PI4KB: variants seen among roughly 807,000 people sequenced by gnomAD.
PI4KB encodes the protein phosphatidylinositol 4-kinase beta.
PI4KB carries 23 observed loss-of-function variants against 81.4 expected under a neutral mutation model. The ratio of observed to expected loss-of-function variants is 0.28; its 90% CI spans 0.20 to 0.40. PI4KB has a LOEUF of 0.40. Ranked by LOEUF, PI4KB falls within the 10% of genes least tolerant of loss-of-function variation. The pLI, the probability that PI4KB is intolerant of heterozygous loss-of-function variation, is 1.00. For missense variants in PI4KB, 651 were observed against 1,036.6 expected (o/e 0.63, Z 5.11); for synonymous variants, 381 against 406.8 (o/e 0.94, Z 0.76).
At chr1:151,310,068 T>C (rs763068442) in intron 3 of PI4KB, 143 bp downstream of exon 3, 62 of 646,444 alleles carry the variant, frequency 9.6e-5, no homozygotes, top group Admixed American at 2.7e-4. Context: ...CTGGGAGGTC[T>C]GGGAGGGAGG....
At chr1:151,301,777 C>G in intron 8 of PI4KB, 67 bp downstream of exon 8, 1 of 1,487,830 alleles carries the variant, frequency 6.7e-7, no homozygotes, top group Non-Finnish European at 9.3e-7. Flanking sequence ...TGTAATCCAC[C>G]CGCCTCGGCC....
intron 5 of PI4KB, among the ~76,000 whole-genome samples, chr1:151,304,491 G>A (rs1474466267): frequency 4.0e-5 from 6 of 150,162 alleles, no homozygotes; most frequent in Non-Finnish European, 7.4e-5. Context: ...TTACAGGCGC[G>A]CGCCACCATG....
At chr1:151,299,157 T>C in intron 8 of PI4KB, 84 bp from the exon 9 acceptor site, 1 of 1,239,114 alleles carries the variant, frequency 8.1e-7, no homozygotes, top group Non-Finnish European at 1.2e-6. Flanking sequence ...TTCTCCAGCC[T>C]CTCTCCTTGG....
intron 11 of PI4KB, chr1:151,293,270 A>G: frequency 7.1e-7 from 1 of 1,407,504 alleles, no homozygotes; most frequent in Non-Finnish European, 9.3e-7. Flanking sequence ...GAAGGGGACC[A>G]ACACCACATC....
chr1:151,322,177 G>A (rs1648950744), intron 1 of PI4KB, among the ~76,000 whole-genome samples: 1 of 152,104 alleles, frequency 6.6e-6, no homozygotes, highest in South Asian at 2.1e-4. Flanking sequence ...CTAACAGCTG[G>A]CCCCTAGGAA....
chr1:151,326,780 C>G (rs1282284451), intron 1 of PI4KB, among the ~76,000 whole-genome samples: 1 of 152,158 alleles, frequency 6.6e-6, no homozygotes, highest in Non-Finnish European at 1.5e-5. Context: ...GAATCAGAAG[C>G]AGCACAGGAA....
chr1:151,293,787 G>T, intron 11 of PI4KB: 2 of 493,942 alleles, frequency 4.0e-6, no homozygotes, highest in Non-Finnish European at 7.2e-6. Flanking sequence ...CCCTAAAGAT[G>T]CCAAGGAGGC....
intron 2 of PI4KB, among the ~76,000 whole-genome samples, chr1:151,313,952 A>G (rs927175855): frequency 6.6e-6 from 1 of 152,248 alleles, no homozygotes; most frequent in Non-Finnish European, 1.5e-5. Flanking sequence ...TCTAAGCCTC[A>G]GTTTCCTTGC....
In PI4KB at chr1:151,294,084, G is replaced by C. The variant is rs1224312691; in HGVS notation, c.2203C>G (p.Gln735Glu). The change falls in exon 11 of 12, where the codon CAA (glutamine) becomes GAA (glutamate). Residue 735 changes from glutamine to glutamate, a missense_variant. Around this residue, in one of 5 missense-constraint regions of PI4KB, gnomAD observed 70 missense variants for 108.1 expected, o/e 0.65. Coordinates refer to ENST00000368873, the MANE Select transcript of PI4KB (RefSeq NM_001369623.2). ...MFNYYKMLMLQGLIAARKHMD... is the reference protein window; with the variant it reads ...MFNYYKMLMLEGLIAARKHMD... Reference sequence around the variant, plus strand: ...TGTTTCCGAGCGGCAATCAGCCCTTGCAGCATCAGCATCTTATAGTAGTTG... The same window carrying C: ...TGTTTCCGAGCGGCAATCAGCCCTTCCAGCATCAGCATCTTATAGTAGTTG... The C allele has an allele frequency of 6.2e-7, 1 of 1,613,970 alleles. No homozygotes were observed.
At chr1:151,313,126 G>A (rs1014337398) in intron 2 of PI4KB, among the ~76,000 whole-genome samples, 2 of 152,180 alleles carry the variant, frequency 1.3e-5, no homozygotes, top group African/African-American at 4.8e-5. Context: ...CTGTGCTGAC[G>A]ACTCTAATGC....
intron 6 of PI4KB, among the ~76,000 whole-genome samples, chr1:151,302,577 C>CT (rs144203698): frequency 0.094 from 12,614 of 133,754 alleles, 749 homozygotes; most frequent in Admixed American, 0.13. Flanking sequence ...CTTTTCTTTT[C>CT]TTTTTTTTTT....
intron 1 of PI4KB, chr1:151,326,033 G>A: frequency 1.2e-6 from 1 of 853,986 alleles, no homozygotes; most frequent in South Asian, 1.4e-5. Context: ...AATTCTTATG[G>A]AACCAACCAA....
chr1:151,326,427 C>T, intron 1 of PI4KB: 1 of 453,506 alleles, frequency 2.2e-6, no homozygotes, highest in Non-Finnish European at 3.9e-6. Flanking sequence ...ACATGAAGCC[C>T]ACGGGAAAAA....
At chr1:151,311,524 T>C (rs1408651961) in intron 2 of PI4KB, among the ~76,000 whole-genome samples, 1 of 152,218 alleles carries the variant, frequency 6.6e-6, no homozygotes, top group Admixed American at 6.5e-5. Context: ...CTCTTCCATT[T>C]TGGGTAGAAG....
At position 151,292,206 on chromosome 1, in the gene PI4KB, A is replaced by AG. The variant is rs1694337366; in HGVS notation, c.*645dup. The stretch of plus-strand genomic sequence containing the variant: ...GAGCTCTTTTCCCTGGGTTTGGGGA[A>AG]GGAGTCAGGGTAGGGAATTCCACAT... On this transcript the variant is annotated 3_prime_UTR_variant, in exon 12 of 12. Transcript: ENST00000368873. The AG allele has an allele frequency of 6.6e-6, 1 of 152,372 alleles. No homozygotes were observed. The highest frequency in any genetic ancestry group is 2.4e-5 in the African/African-American group (1 of 41,470). The allele number at this position is 152,372 out of a possible 1,614,324, so 9.4% of individuals were successfully genotyped here. A position where few individuals can be genotyped will look rare whatever the true frequency, so the allele number is the denominator to read the frequency against.
chr1:151,303,685 A>T, intron 5 of PI4KB, 35 bp from the exon 6 acceptor site: 2 of 1,348,844 alleles, frequency 1.5e-6, no homozygotes, highest in Non-Finnish European at 2.1e-6. Context: ...GAAGTGCTAA[A>T]GTATAGGTCT....
chr1:151,303,451 A>C, intron 6 of PI4KB, 90 bp downstream of exon 6: 1 of 842,506 alleles, frequency 1.2e-6, no homozygotes, highest in South Asian at 1.3e-5. Context: ...GGCCAACAAC[A>C]GATGATTGAG....
chr1:151,322,787 A>G (rs2102020028), intron 1 of PI4KB, among the ~76,000 whole-genome samples: 1 of 151,822 alleles, frequency 6.6e-6, no homozygotes, highest in South Asian at 2.1e-4. Context: ...CCCAGGTTGG[A>G]GTGCAGTGGT....
intron 1 of PI4KB, among the ~76,000 whole-genome samples, chr1:151,320,661 G>A (rs1166055354): frequency 1.3e-5 from 2 of 152,166 alleles, no homozygotes; most frequent in African/African-American, 2.4e-5. Context: ...GAGTTGCACA[G>A]GAATAATAAG....
Sources: allele counts gnomAD v4.1 joint callset (sites outside exome capture counted in the v4.1 genomes callset), GRCh38; gene constraint gnomAD v4.1.1; regional missense constraint gnomAD v4.1.1; transcripts MANE v1.5; gene names NCBI Gene and HGNC (gene_info 2026-07-23, HGNC 2026-07-21).